The following GRIK2 variants were observed in gnomAD, a reference collection of about 807,000 sequenced individuals.
GRIK2 encodes the protein glutamate receptor ionotropic, kainate 2.
GRIK2 carries 32 observed loss-of-function variants against 100.3 expected under a neutral mutation model. The ratio of observed to expected loss-of-function variants is 0.32; its 90% confidence interval spans 0.24 to 0.43. The LOEUF (loss-of-function observed/expected upper bound fraction) is 0.43, where lower values mean the gene tolerates loss of function less well. Ranked by LOEUF, GRIK2 falls within the 20% of genes least tolerant of loss-of-function variation. GRIK2 has a pLI of 1.00. For missense variants in GRIK2, 843 were observed against 1,114.9 expected, an observed-to-expected ratio of 0.76 and a Z score of 3.47; for synonymous variants, 417 against 389.4, an observed-to-expected ratio of 1.07 and a Z score of -0.83.
chr6:101,980,879 TC>T (rs1793675098), intron 14 of GRIK2, among the ~76,000 whole-genome samples: 1 of 142,856 alleles, frequency 7.0e-6, no homozygotes, highest in East Asian at 2.1e-4. Flanking sequence ...ACCATTACCC[TC>T]CCATTTTTTC....
rs189220654 is a variant in GRIK2, at chr6:101,796,286, C to G, written c.952-3362C>G. Among the ~76,000 whole-genome samples the G allele has an allele frequency of 1.1e-4, 16 of 152,244 alleles. No homozygotes were observed. The South Asian group carries it at 2.9e-3, about 28-fold the overall frequency. ...TAATTTAAGGAGAGTGCCTCACACA[C>G]AGATATTGAATGAATGTTGGCTATT... On this transcript the variant is annotated intron_variant, in intron 7 of 16. Coordinates refer to ENST00000369134, the MANE Select transcript of GRIK2 (RefSeq NM_021956.5).
intron 2 of GRIK2, among the ~76,000 whole-genome samples, chr6:101,553,764 T>C (rs2128293217): frequency 6.6e-6 from 1 of 152,302 alleles, no homozygotes; most frequent in East Asian, 1.9e-4. Context: ...CTGCAAGCCA[T>C]AGGTAAAATT....
intron 10 of GRIK2, among the ~76,000 whole-genome samples, chr6:101,837,827 G>A (rs1783232885): frequency 6.6e-6 from 1 of 152,082 alleles, no homozygotes; most frequent in African/African-American, 2.4e-5. Flanking sequence ...AATATTTCTT[G>A]TACTGTCTCT....
chr6:101,933,935 A>G (rs181239982), intron 14 of GRIK2, among the ~76,000 whole-genome samples: 105 of 152,010 alleles, frequency 6.9e-4, no homozygotes, highest in Middle Eastern at 6.8e-3. Context: ...AATTTTTGGT[A>G]CTGAGCAAAA....
chr6:101,478,255 G>A (rs958349231), intron 2 of GRIK2, among the ~76,000 whole-genome samples: 2 of 151,860 alleles, frequency 1.3e-5, no homozygotes, highest in African/African-American at 4.8e-5. Flanking sequence ...TCTACCAACA[G>A]AATTTTAGTT....
Position 101,399,437 on chromosome 6 carries a change from G to T in GRIK2, c.115+45G>T, listed in dbSNP as rs766379362. ...TTGGTTGCCTGGTATCCGCTCCCAG[G>T]CAGCCGGATGTAAACAGGCGGTTCG... On this transcript the variant is annotated intron_variant, in intron 2 of 16. Transcript: ENST00000369134. 4.2e-6 allele frequency: 4 copies of T among 946,900 alleles called. No individual in the cohort carries two copies. The African/African-American group carries it at 4.8e-5, about 11-fold the overall frequency. 58.7% of individuals were successfully genotyped at this position (946,900 alleles called of 1,614,324 possible). A position where few individuals can be genotyped will look rare whatever the true frequency, so the allele number is the denominator to read the frequency against.
chr6:101,859,205 T>C, intron 10 of GRIK2, 82 bp from the exon 11 acceptor site: 1 of 680,524 alleles, frequency 1.5e-6, no homozygotes, highest in Admixed American at 2.5e-5. Flanking sequence ...AGAAAATTTC[T>C]GTCTTCTAAG....
At chr6:101,807,368 T>C (rs917400717) in intron 9 of GRIK2, among the ~76,000 whole-genome samples, 7 of 151,998 alleles carry the variant, frequency 4.6e-5, no homozygotes, top group African/African-American at 1.7e-4. Flanking sequence ...CAGTATTACA[T>C]TAAACAGTAA....
intron 11 of GRIK2, among the ~76,000 whole-genome samples, chr6:101,881,599 T>C (rs1754783728): frequency 6.6e-6 from 1 of 151,986 alleles, no homozygotes; most frequent in Non-Finnish European, 1.5e-5. Context: ...TACTGATATT[T>C]TTCTAGGGAA....
At chr6:101,542,228 T>C (rs1582677198) in intron 2 of GRIK2, among the ~76,000 whole-genome samples, 2 of 152,034 alleles carry the variant, frequency 1.3e-5, no homozygotes, top group East Asian at 3.9e-4. Flanking sequence ...GAGAGATTTT[T>C]CTTGTAAATT....
chr6:101,547,111 G>C (rs894671046), intron 2 of GRIK2, among the ~76,000 whole-genome samples: 2 of 151,932 alleles, frequency 1.3e-5, no homozygotes, highest in Admixed American at 1.3e-4. Context: ...GATTACAGGC[G>C]TGAGCCACCG....
At chr6:101,647,402 G>A (rs994618078) in intron 4 of GRIK2, among the ~76,000 whole-genome samples, 6 of 151,958 alleles carry the variant, frequency 3.9e-5, no homozygotes, top group Non-Finnish European at 8.8e-5. Flanking sequence ...TTAAATAGAA[G>A]CAATTGTTTG....
chr6:101,704,443 A>C, intron 7 of GRIK2, among the ~76,000 whole-genome samples: 1 of 151,784 alleles, frequency 6.6e-6, no homozygotes, highest in East Asian at 1.9e-4. Flanking sequence ...GCAAAAATTA[A>C]AAGATACAAT....
chr6:101,823,472 A>G (rs148524874), intron 10 of GRIK2, among the ~76,000 whole-genome samples: 1 of 151,664 alleles, frequency 6.6e-6, no homozygotes, highest in African/African-American at 2.4e-5. Flanking sequence ...ATTGTTTGTG[A>G]TTTTCCATAT....
At chr6:101,788,271 C>T (rs1355160255) in intron 7 of GRIK2, among the ~76,000 whole-genome samples, 1 of 151,532 alleles carries the variant, frequency 6.6e-6, no homozygotes, top group Non-Finnish European at 1.5e-5. Flanking sequence ...AGGTTAGTTA[C>T]ATATGTATAC....
intron 2 of GRIK2, among the ~76,000 whole-genome samples, chr6:101,510,422 T>TC (rs763642860): frequency 1.5e-4 from 23 of 152,016 alleles, no homozygotes; most frequent in Middle Eastern, 3.4e-3. Context: ...CTGCCTTTGT[T>TC]CCCACATTCT....
chr6:101,476,357 G>A (rs1334685080), intron 2 of GRIK2, among the ~76,000 whole-genome samples: 1 of 151,940 alleles, frequency 6.6e-6, no homozygotes, highest in East Asian at 1.9e-4. Context: ...CATTTTTGGA[G>A]GAAAAGATGT....
At chr6:101,769,834 G>C (rs969597442) in intron 7 of GRIK2, among the ~76,000 whole-genome samples, 1 of 152,180 alleles carries the variant, frequency 6.6e-6, no homozygotes, top group Non-Finnish European at 1.5e-5. Context: ...GGTAAAGGAA[G>C]ACAGAGGTTT....
chr6:101,514,470 T>C (rs373065880), intron 2 of GRIK2, among the ~76,000 whole-genome samples: 112 of 152,230 alleles, frequency 7.4e-4, no homozygotes, highest in African/African-American at 2.6e-3. Context: ...GAGGTCCCCC[T>C]TAAATATTAT....
Sources: gnomAD v4.1 joint callset for allele counts (sites outside exome capture counted in the v4.1 genomes callset) on GRCh38, gnomAD v4.1.1 for gene constraint, MANE v1.5 for transcripts, NCBI Gene and HGNC (gene_info 2026-07-23, HGNC 2026-07-21) for gene names.